Variants in EPHB1 observed in about 807,000 individuals in gnomAD.
EPHB1 encodes EPH receptor B1.
EPHB1 carries 30 observed loss-of-function variants against 94.4 expected under a neutral mutation model. The observed-to-expected ratio is 0.32, with a 90% confidence interval of 0.24 to 0.43. The LOEUF (loss-of-function observed/expected upper bound fraction) is 0.43. Among genes scored for constraint, EPHB1 ranks in the 20% least tolerant of loss-of-function variants. EPHB1 has a pLI of 1.00. For synonymous variants in EPHB1, 522 were observed against 489.1 expected (o/e 1.07, Z -0.89); for missense variants, 1,055 against 1,308.3 (o/e 0.81, Z 2.99).
At chr3:134,976,471 A>G (rs556087083) in intron 3 of EPHB1, among the ~76,000 whole-genome samples, 34 of 152,334 alleles carry the variant, frequency 2.2e-4, no homozygotes, top group African/African-American at 7.9e-4. Flanking sequence ...CTAACTTTCT[A>G]ATATCATCAA....
At chr3:134,891,228 G>A (rs1355991768) in intron 1 of EPHB1, among the ~76,000 whole-genome samples, 7 of 152,216 alleles carry the variant, frequency 4.6e-5, no homozygotes, top group Non-Finnish European at 8.8e-5. Flanking sequence ...TCCTACCTCA[G>A]TCTCCAGAGT....
At chr3:134,818,194 C>G (rs13084850) in intron 1 of EPHB1, among the ~76,000 whole-genome samples, 7,793 of 152,146 alleles carry the variant, frequency 0.051, 243 homozygotes, top group Middle Eastern at 0.092. Flanking sequence ...CTTTCTCTAC[C>G]CTACTTTCAT....
At chr3:134,823,999 C>G (rs1346588224) in intron 1 of EPHB1, 1 of 152,184 alleles carries the variant, frequency 6.6e-6, no homozygotes. Context: ...GGGAAGCACA[C>G]TGACATTTGG....
intron 3 of EPHB1, among the ~76,000 whole-genome samples, chr3:134,993,448 C>T (rs2107739002): frequency 6.6e-6 from 1 of 152,300 alleles, no homozygotes. Context: ...GGAACAAGAT[C>T]AGCTTGTGAC....
rs115980651 is a variant in EPHB1, at chr3:134,796,899, C to G, written c.58+1210C>G. Among the ~76,000 whole-genome samples, 785 of 152,350 alleles carry G rather than the reference C, an allele frequency of 5.2e-3. 4 individuals carry two copies. The highest frequency in any genetic ancestry group is 0.018 in the African/African-American group (740 of 41,594). ...GAGCTCGCTCCGCTTGTTACTCGTT[C>G]CTCGCGAAACTGTGACCGGTTGCCC... On this transcript the variant is annotated intron_variant, in intron 1 of 15. Coordinates refer to ENST00000398015, the MANE Select transcript of EPHB1 (RefSeq NM_004441.5).
At chr3:134,999,603 G>A (rs1354163337) in intron 3 of EPHB1, among the ~76,000 whole-genome samples, 1 of 152,228 alleles carries the variant, frequency 6.6e-6, no homozygotes, top group East Asian at 1.9e-4. Flanking sequence ...CTGCATCTTA[G>A]TAAAGGAGGA....
At chr3:134,895,121 A>G (rs2038062965) in intron 1 of EPHB1, among the ~76,000 whole-genome samples, 1 of 152,230 alleles carries the variant, frequency 6.6e-6, no homozygotes, top group Non-Finnish European at 1.5e-5. Context: ...TGATTTATAC[A>G]AAATTAATGC....
intron 10 of EPHB1, among the ~76,000 whole-genome samples, chr3:135,181,256 C>G (rs542443576): frequency 6.6e-6 from 1 of 152,222 alleles, no homozygotes; most frequent in Admixed American, 6.5e-5. Flanking sequence ...GGAAATGACA[C>G]ACCACCTGCT....
intron 1 of EPHB1, among the ~76,000 whole-genome samples, chr3:134,901,061 A>G (rs1663165217): frequency 6.6e-6 from 1 of 152,062 alleles, no homozygotes; most frequent in African/African-American, 2.4e-5. Flanking sequence ...TTCTTTTTAA[A>G]AAAAAAACTT....
intron 12 of EPHB1, among the ~76,000 whole-genome samples, chr3:135,222,153 C>G (rs1271861584): frequency 6.6e-6 from 1 of 152,164 alleles, no homozygotes; most frequent in African/African-American, 2.4e-5. Context: ...CTTCATGAGC[C>G]TCAGTTCTCT....
intron 4 of EPHB1, among the ~76,000 whole-genome samples, chr3:135,115,981 C>T (rs528094834): frequency 1.1e-4 from 16 of 152,166 alleles, no homozygotes; most frequent in Middle Eastern, 3.4e-3. Context: ...TTTGGGAGGC[C>T]GAGGCGGGTG....
intron 2 of EPHB1, among the ~76,000 whole-genome samples, chr3:134,931,152 G>T (rs1402755404): frequency 6.6e-6 from 1 of 152,154 alleles, no homozygotes; most frequent in Non-Finnish European, 1.5e-5. Flanking sequence ...ACACCCAATT[G>T]GTTGTCAATA....
chr3:134,996,542 T>A (rs1183042550), intron 3 of EPHB1, among the ~76,000 whole-genome samples: 1 of 152,170 alleles, frequency 6.6e-6, no homozygotes, highest in Non-Finnish European at 1.5e-5. Flanking sequence ...GGATTAAAGT[T>A]TTTCTCATTT....
At chr3:135,075,950 G>A (rs1193987754) in intron 3 of EPHB1, among the ~76,000 whole-genome samples, 1 of 152,054 alleles carries the variant, frequency 6.6e-6, no homozygotes, top group East Asian at 1.9e-4. Context: ...ATCAGTGGTT[G>A]GAAACCATCC....
chr3:134,948,879 A>G lies in EPHB1; in HGVS notation c.124-2492A>G, dbSNP rs114246252. 7.0e-3 allele frequency among the ~76,000 whole-genome samples: 1,059 copies of G among 152,322 alleles called. 5 individuals carry two copies. Among genetic ancestry groups the G allele is most frequent in the Middle Eastern group, 0.014 (4 of 294 alleles). ...ACTAATATGCTATGATATGCTATCT[A>G]ATTAAGTGAGGGGATTTTCCAGAGC... On this transcript the variant is annotated intron_variant, in intron 2 of 15. Transcript: ENST00000398015.
At chr3:135,170,229 G>A (rs1941767164) in intron 9 of EPHB1, among the ~76,000 whole-genome samples, 1 of 152,166 alleles carries the variant, frequency 6.6e-6, no homozygotes, top group Non-Finnish European at 1.5e-5. Flanking sequence ...TCAAACTGAT[G>A]CAAAGGCTGA....
chr3:134,985,296 C>G (rs1934558367), intron 3 of EPHB1, among the ~76,000 whole-genome samples: 4 of 152,068 alleles, frequency 2.6e-5, no homozygotes, highest in Admixed American at 2.6e-4. Flanking sequence ...GTAGCTGGGA[C>G]TACAGGTGCG....
chr3:134,902,157 G>A (rs1025115170), intron 1 of EPHB1, among the ~76,000 whole-genome samples: 2 of 152,190 alleles, frequency 1.3e-5, no homozygotes, highest in African/African-American at 2.4e-5. Context: ...CGAGACAGTA[G>A]TTAGGGGCTG....
At chr3:135,141,106 A>T (rs2107690239) in intron 5 of EPHB1, among the ~76,000 whole-genome samples, 1 of 150,192 alleles carries the variant, frequency 6.7e-6, no homozygotes. Flanking sequence ...TGTAGAATTG[A>T]GCCTTAGGAT....
Sources: allele counts gnomAD v4.1 joint callset (sites outside exome capture counted in the v4.1 genomes callset), GRCh38; gene constraint gnomAD v4.1.1; transcripts MANE v1.5; gene names NCBI Gene and HGNC (gene_info 2026-07-23, HGNC 2026-07-21).